The following MOSPD2 variants were observed in gnomAD, a reference collection of about 807,000 sequenced individuals.
MOSPD2 encodes motile sperm domain-containing protein 2.
MOSPD2 carries 5 observed loss-of-function variants against 41.7 expected under a neutral mutation model. The ratio of observed to expected loss-of-function variants is 0.12; its 90% CI spans 0.06 to 0.25. The LOEUF is 0.25. Ranked by LOEUF, MOSPD2 falls within the 10% of genes least tolerant of loss-of-function variation. The pLI is 1.00. For missense variants in MOSPD2, 282 were observed against 375.2 expected, an observed-to-expected ratio of 0.75 and a Z score of 2.05; for synonymous variants, 115 against 126.9, an observed-to-expected ratio of 0.91 and a Z score of 0.63.
chrX:14,915,305 G>A (rs2092598307), intron 11 of MOSPD2: 1 of 113,321 alleles, frequency 8.8e-6, no homozygotes, highest in African/African-American at 3.2e-5. Flanking sequence ...TTATATATGA[G>A]TATGTTTTTA....
Position 14,909,002 on chromosome X carries a change from G to C in MOSPD2, c.702+18G>C. 1 of 1,123,265 alleles carries C rather than the reference G, an allele frequency of 8.9e-7. No individual in the cohort carries two copies. Among genetic ancestry groups the C allele is most frequent in the Non-Finnish European group, 1.2e-6 (1 of 838,176 alleles). 92.6% of individuals were successfully genotyped at this position (1,123,265 alleles called of 1,213,427 possible). On this transcript the variant is annotated intron_variant, in intron 8 of 14. Transcript: ENST00000380492. ...GTGGAACTGTAAGTATTTGAAACTT[G>C]TTTATAAAACAATACTGGATAATGG...
intron 7 of MOSPD2, among the ~76,000 whole-genome samples, chrX:14,903,632 G>A (rs757522481): frequency 2.7e-5 from 3 of 112,084 alleles, no homozygotes; most frequent in South Asian, 7.2e-4. Context: ...TAAAATTACT[G>A]TAAATTGAAT....
chrX:14,912,240 TG>T lies in MOSPD2; in HGVS notation c.880-8del. 8.9e-7 allele frequency: 1 copy of T among 1,124,860 alleles called. No homozygotes were observed. The highest frequency in any genetic ancestry group is 2.8e-5 in the Admixed American group (1 of 35,228). The allele number at this position is 1,124,860 out of a possible 1,213,427, so 92.7% of individuals were successfully genotyped here. A position where few individuals can be genotyped will look rare whatever the true frequency, so the allele number is the denominator to read the frequency against. On this transcript the variant is annotated splice_polypyrimidine_tract_variant and splice_region_variant and intron_variant, in intron 9 of 14. Coordinates refer to ENST00000380492, the MANE Select transcript of MOSPD2 (RefSeq NM_152581.4). ...ATGCTAAATAGTTATCCTTTTTTTT[TG>T]TCTTTAGATTAACCCAACCGAATCT...
intron 2 of MOSPD2, among the ~76,000 whole-genome samples, chrX:14,880,295 A>G (rs775503513): frequency 1.8e-5 from 2 of 110,923 alleles, no homozygotes; most frequent in African/African-American, 3.3e-5. Flanking sequence ...CTTAATATAT[A>G]TTTTCTAAAT....
intron 2 of MOSPD2, 21 bp downstream of exon 2, chrX:14,873,779 A>G (rs1468658166): frequency 4.3e-6 from 5 of 1,168,518 alleles, no homozygotes; most frequent in Non-Finnish European, 5.8e-6. Flanking sequence ...TGTTCCAGGT[A>G]TTAAGAAAGG....
rs1369377358 is a variant in MOSPD2, at chrX:14,882,368, G to T, written c.79+8610G>T. Among the ~76,000 whole-genome samples the T allele has an allele frequency of 2.7e-5, 3 of 111,133 alleles. No homozygotes were observed. The East Asian group carries it at 8.4e-4, about 31-fold the overall frequency. Reference sequence around the variant, plus strand: ...GAGGGTTGAGGCGGGAGATTCAAGAGATATGAGTCAAAGGAAACAAAATTT... The same window carrying T: ...GAGGGTTGAGGCGGGAGATTCAAGATATATGAGTCAAAGGAAACAAAATTT... On this transcript the variant is annotated intron_variant, in intron 2 of 14. Coordinates refer to ENST00000380492, the MANE Select transcript of MOSPD2 (RefSeq NM_152581.4).
At chrX:14,882,196 G>A (rs907169323) in intron 2 of MOSPD2, among the ~76,000 whole-genome samples, 2 of 111,658 alleles carry the variant, frequency 1.8e-5, no homozygotes, top group Non-Finnish European at 3.8e-5. Flanking sequence ...TGAACTTGGA[G>A]GACATGGTAA....
At chrX:14,915,848 A>G (rs2092599449) in intron 12 of MOSPD2, 84 bp downstream of exon 12, 2 of 798,355 alleles carry the variant, frequency 2.5e-6, no homozygotes, top group South Asian at 4.6e-5. Context: ...GTCAGCAGAG[A>G]TGTCAGGCTA....
intron 4 of MOSPD2, among the ~76,000 whole-genome samples, chrX:14,895,778 TCTCA>T (rs1424037552): frequency 9.0e-6 from 1 of 111,239 alleles, no homozygotes; most frequent in Non-Finnish European, 1.9e-5. Flanking sequence ...TCTCCCATAA[TCTCA>T]CTCTAGCTTT....
chrX:14,914,392 T>C, intron 10 of MOSPD2, 111 bp from the exon 11 acceptor site: 1 of 464,142 alleles, frequency 2.2e-6, no homozygotes, highest in Non-Finnish European at 3.6e-6. Flanking sequence ...GTGAAATGTC[T>C]TTATACAAAT....
chrX:14,899,565 T>TACACACACACAC (rs59555716), intron 5 of MOSPD2, among the ~76,000 whole-genome samples: 1,802 of 80,994 alleles, frequency 0.022, 32 homozygotes, highest in Non-Finnish European at 0.033. Flanking sequence ...ATTATATACA[T>TACACACACACAC]ACACACACAC....
At chrX:14,892,280 G>C (rs923652331) in intron 2 of MOSPD2, among the ~76,000 whole-genome samples, 1 of 111,965 alleles carries the variant, frequency 8.9e-6, no homozygotes, top group Admixed American at 9.5e-5. Flanking sequence ...ACCTCAGGAA[G>C]ATTCCACTCA....
chrX:14,873,694 C>G lies in MOSPD2; in HGVS notation c.15C>G (p.His5Gln), dbSNP rs780598216. The change falls in exon 2 of 15, where the codon CAC becomes CAG. Residue 5 changes from histidine (H) to glutamine (Q), a missense_variant. By Grantham distance (24) the His-to-Gln change is conservative. Coordinates refer to ENST00000380492, the MANE Select transcript of MOSPD2 (RefSeq NM_152581.4). MAEN[H>Q]AQNKAKLISE... The stretch of plus-strand genomic sequence containing the variant: ...CCATCGTGTCTCCCATCCAGAATCA[C>G]GCCCAGAATAAAGCCAAGCTCATCT... The G allele has an allele frequency of 2.2e-5, 27 of 1,210,672 alleles. No individual in the cohort carries two copies. The highest frequency in any genetic ancestry group is 3.0e-5 in the Non-Finnish European group (27 of 894,476).
At chrX:14,897,429 G>C (rs1319363753) in intron 5 of MOSPD2, among the ~76,000 whole-genome samples, 191 bp downstream of exon 5, 1 of 111,855 alleles carries the variant, frequency 8.9e-6, no homozygotes, top group African/African-American at 3.2e-5. Flanking sequence ...ATTTGTTTCT[G>C]TATTTGGCGT....
Position 14,920,675 on chromosome X carries a change from AGAG to A in MOSPD2, c.*870_*872del. The stretch of plus-strand genomic sequence containing the variant: ...CCCATCTTCACCCCCATTCCAGAGC[AGAG>A]GAGTCTCTGTGGACCATGAATTGCA... On this transcript the variant is annotated 3_prime_UTR_variant, in exon 15 of 15. Coordinates refer to ENST00000380492, the MANE Select transcript of MOSPD2 (RefSeq NM_152581.4). 1 of 754,106 alleles carries A rather than the reference AGAG, an allele frequency of 1.3e-6. No homozygotes were observed. The highest frequency in any genetic ancestry group is 1.6e-6 in the Non-Finnish European group (1 of 639,219). 62.1% of individuals were successfully genotyped at this position (754,106 alleles called of 1,213,427 possible). A position where few individuals can be genotyped will look rare whatever the true frequency, so the allele number is the denominator to read the frequency against.
chrX:14,876,615 C>G, intron 2 of MOSPD2, among the ~76,000 whole-genome samples: 1 of 111,677 alleles, frequency 9.0e-6, no homozygotes, highest in Non-Finnish European at 1.9e-5. Context: ...CCCATTCTTT[C>G]TTCCTCTTTC....
At chrX:14,914,473 C>T in intron 10 of MOSPD2, 30 bp from the exon 11 acceptor site, 1 of 919,298 alleles carries the variant, frequency 1.1e-6, no homozygotes, top group Non-Finnish European at 1.5e-6. Context: ...CTGATTATTA[C>T]AAATGTCTTA....
At chrX:14,888,436 G>A (rs1221030666) in intron 2 of MOSPD2, among the ~76,000 whole-genome samples, 3 of 110,372 alleles carry the variant, frequency 2.7e-5, no homozygotes, top group Non-Finnish European at 5.7e-5. Flanking sequence ...AGATCTGGTC[G>A]TTTTAAAAAT....
chrX:14,908,433 G>A (rs755747715), intron 7 of MOSPD2, among the ~76,000 whole-genome samples: 20 of 111,768 alleles, frequency 1.8e-4, no homozygotes, highest in Admixed American at 8.6e-4. Context: ...TTTCTTTTCT[G>A]ACTCGCTGTT....
Sources: allele counts gnomAD v4.1 joint callset (sites outside exome capture counted in the v4.1 genomes callset), GRCh38; gene constraint gnomAD v4.1.1; transcripts MANE v1.5; gene names NCBI Gene and HGNC (gene_info 2026-07-23, HGNC 2026-07-21).